Variants in PGCKA1 observed in about 807,000 individuals in gnomAD.
PGCKA1 encodes PDCD10 and GCKIII kinases-associated protein 1.
chr4:37,474,931 G>A, the PGCKA1 span, among the ~76,000 whole-genome samples: 1 of 152,110 alleles, frequency 6.6e-6, no homozygotes, highest in Non-Finnish European at 1.5e-5. Context: ...AATTTAGGGT[G>A]TTTATAAAAA....
chr4:37,542,250 T>G, the PGCKA1 span, among the ~76,000 whole-genome samples: 1 of 152,178 alleles, frequency 6.6e-6, no homozygotes, highest in African/African-American at 2.4e-5. Context: ...TATGCAAAAG[T>G]GTCTTCCCAA....
the PGCKA1 span, among the ~76,000 whole-genome samples, chr4:37,556,185 C>T: frequency 5.3e-5 from 8 of 152,256 alleles, no homozygotes; most frequent in Non-Finnish European, 1.0e-4. Flanking sequence ...GTCACATTCC[C>T]CTTGCCTAAA....
the PGCKA1 span, among the ~76,000 whole-genome samples, chr4:37,510,521 G>A: frequency 6.6e-6 from 1 of 152,090 alleles, no homozygotes; most frequent in African/African-American, 2.4e-5. Flanking sequence ...TTTCCAAGCA[G>A]AGACTCTTGT....
At chr4:37,497,053 A>C in the PGCKA1 span, among the ~76,000 whole-genome samples, 2 of 152,162 alleles carry the variant, frequency 1.3e-5, no homozygotes, top group African/African-American at 4.8e-5. Context: ...TATACTCTGC[A>C]CCACAAATAT....
At chr4:37,570,751 A>G in the PGCKA1 span, among the ~76,000 whole-genome samples, 3 of 152,150 alleles carry the variant, frequency 2.0e-5, no homozygotes, top group Non-Finnish European at 4.4e-5. Context: ...AAATACTCCA[A>G]CTTCTATAAA....
the PGCKA1 span, among the ~76,000 whole-genome samples, chr4:37,514,735 T>C: frequency 2.6e-5 from 4 of 152,216 alleles, no homozygotes; most frequent in Admixed American, 6.5e-5. Context: ...GCAGGACTTA[T>C]AGGTGGTAGG....
chr4:37,549,631 C>T, the PGCKA1 span, among the ~76,000 whole-genome samples: 1 of 152,184 alleles, frequency 6.6e-6, no homozygotes, highest in African/African-American at 2.4e-5. Context: ...CTGTGAAAAT[C>T]CCCGCATAAC....
the PGCKA1 span, among the ~76,000 whole-genome samples, chr4:37,539,610 T>C: frequency 6.6e-6 from 1 of 152,308 alleles, no homozygotes; most frequent in African/African-American, 2.4e-5. Flanking sequence ...GCTGAGATTA[T>C]GCCACTGCAC....
At chr4:37,470,716 A>T in the PGCKA1 span, among the ~76,000 whole-genome samples, 1 of 152,168 alleles carries the variant, frequency 6.6e-6, no homozygotes, top group Non-Finnish European at 1.5e-5. Flanking sequence ...TACCTTAGTT[A>T]TATGCTTAGT....
chr4:37,515,309 T>C, the PGCKA1 span, among the ~76,000 whole-genome samples: 5 of 152,296 alleles, frequency 3.3e-5, no homozygotes, highest in African/African-American at 1.2e-4. Context: ...AATGCATTTC[T>C]GTTGTTTATA....
At chr4:37,510,518 G>A in the PGCKA1 span, among the ~76,000 whole-genome samples, 1 of 152,064 alleles carries the variant, frequency 6.6e-6, no homozygotes, top group Admixed American at 6.6e-5. Flanking sequence ...ACATTTCCAA[G>A]CAGAGACTCT....
the PGCKA1 span, among the ~76,000 whole-genome samples, chr4:37,557,387 A>G: frequency 6.6e-6 from 1 of 152,230 alleles, no homozygotes; most frequent in Non-Finnish European, 1.5e-5. Flanking sequence ...TCAGACTGCT[A>G]TAAGAAAATA....
At chr4:37,549,223 A>G in the PGCKA1 span, among the ~76,000 whole-genome samples, 5 of 152,212 alleles carry the variant, frequency 3.3e-5, no homozygotes, top group Admixed American at 6.5e-5. Context: ...TTCATCCCCA[A>G]GCGGATGCGT....
chr4:37,564,274 CAAA>C, the PGCKA1 span, among the ~76,000 whole-genome samples: 8 of 44,790 alleles, frequency 1.8e-4, no homozygotes, highest in Non-Finnish European at 2.8e-4. Context: ...GACTCTGTCT[CAAA>C]AAAAAAAAAA....
the PGCKA1 span, among the ~76,000 whole-genome samples, chr4:37,492,618 C>T: frequency 5.3e-5 from 8 of 152,182 alleles, no homozygotes; most frequent in Admixed American, 5.2e-4. This position sits in a 1 kb window ranked among gnomAD's most constrained non-coding sequence, Gnocchi z 4.7. Flanking sequence ...TTTACTTAAT[C>T]CTCCTATCTT....
At chr4:37,502,413 G>A in the PGCKA1 span, among the ~76,000 whole-genome samples, 1 of 152,200 alleles carries the variant, frequency 6.6e-6, no homozygotes, top group East Asian at 1.9e-4. Context: ...GGGTGCTGGT[G>A]GATGCAGGTC....
At chr4:37,505,788 G>A in the PGCKA1 span, among the ~76,000 whole-genome samples, 1 of 152,170 alleles carries the variant, frequency 6.6e-6, no homozygotes, top group Non-Finnish European at 1.5e-5. Context: ...AGATTTGGGT[G>A]GGAACACAGC....
the PGCKA1 span, among the ~76,000 whole-genome samples, chr4:37,465,485 G>A: frequency 2.6e-5 from 4 of 152,154 alleles, no homozygotes; most frequent in East Asian, 5.8e-4. Context: ...GAGCCCCAGA[G>A]AGGGGAGGGC....
At chr4:37,580,172 C>CT in the PGCKA1 span, among the ~76,000 whole-genome samples, 1 of 151,852 alleles carries the variant, frequency 6.6e-6, no homozygotes, top group Non-Finnish European at 1.5e-5. Context: ...TTTTGAATTC[C>CT]TTCTCTGTGG....
Sources: gnomAD v4.1 joint callset for allele counts (sites outside exome capture counted in the v4.1 genomes callset) on GRCh38, gnomAD v4.1.1 for gene constraint, Gnocchi (gnomAD v3.1) non-coding constraint, MANE v1.5 for transcripts, NCBI Gene and HGNC (gene_info 2026-07-23, HGNC 2026-07-21) for gene names.